Variants in CLN6 observed in about 807,000 individuals in gnomAD.
The protein encoded by CLN6 is CLN6 transmembrane ER protein.
CLN6 carries 22 observed loss-of-function variants against 33.3 expected under a neutral mutation model. That is an observed-to-expected ratio of 0.66 (90% CI 0.47 to 0.94). The LOEUF is 0.94. Among genes scored for constraint, CLN6 ranks in the 40% least tolerant of loss-of-function variants. The pLI, the probability that CLN6 is intolerant of heterozygous loss-of-function variation, is 0.00. For synonymous variants in CLN6, 201 were observed against 174.6 expected (o/e 1.15, Z -1.19); for missense variants, 387 against 417.1 (o/e 0.93, Z 0.63).
rs144497360 is a variant in CLN6 at position 68,208,896 on chromosome 15, T to C, written c.666-486A>G. Among the ~76,000 whole-genome samples, 51 of 152,328 alleles carry C rather than the reference T, an allele frequency of 3.3e-4. No homozygotes were observed. Among genetic ancestry groups the C allele is most frequent in the African/African-American group, 1.0e-3 (42 of 41,588 alleles). On this transcript the variant is annotated intron_variant, in intron 6 of 6. Coordinates refer to ENST00000249806, the MANE Select transcript of CLN6 (RefSeq NM_017882.3). This position sits in a 1 kb window ranked among gnomAD's most constrained non-coding sequence, Gnocchi z 5.8. ...GCCCCAGTGGGCCATCTCAGCCACA[T>C]AGGGGACAGGCCGGGGAGAGGATCT... is the stretch of plus-strand genomic sequence containing the variant.
At chr15:68,214,485 C>T (rs1050736353) in intron 2 of CLN6, 97 bp from the exon 3 acceptor site, 1 of 763,040 alleles carries the variant, frequency 1.3e-6, no homozygotes, top group Non-Finnish European at 2.3e-6. Flanking sequence ...CACCCCAACT[C>T]CTTTCACCCC....
chr15:68,229,386 C>A (rs900333146), intron 1 of CLN6, 116 bp downstream of exon 1: 12 of 773,716 alleles, frequency 1.6e-5, no homozygotes, highest in Non-Finnish European at 2.2e-5. Flanking sequence ...CGCTCCGCCC[C>A]GGCCAGCGCC....
At chr15:68,224,994 C>G (rs1041906488) in intron 1 of CLN6, among the ~76,000 whole-genome samples, 76 of 152,166 alleles carry the variant, frequency 5.0e-4, no homozygotes, top group Middle Eastern at 3.4e-3. Flanking sequence ...TCAAGGCAGT[C>G]AGCAGCATCT....
At chr15:68,214,499 C>A in intron 2 of CLN6, 111 bp from the exon 3 acceptor site, 1 of 726,894 alleles carries the variant, frequency 1.4e-6, no homozygotes, top group Non-Finnish European at 2.5e-6. Context: ...TCACCCCCCA[C>A]CCCATCATGT....
At chr15:68,213,490 C>G (rs1465960537) in intron 3 of CLN6, 1 of 152,230 alleles carries the variant, frequency 6.6e-6, no homozygotes, top group African/African-American at 2.4e-5. Context: ...GATCCGCCCG[C>G]CTCAGCCTCC....
intron 1 of CLN6, among the ~76,000 whole-genome samples, chr15:68,224,052 AAACAACAACAACAAC>A (rs146628174): frequency 6.6e-6 from 1 of 151,312 alleles, no homozygotes; most frequent in East Asian, 1.9e-4. Context: ...CTCAAAAAGA[AAACAACAACAACAAC>A]AACAACAACA....
upstream of CLN6, among the ~76,000 whole-genome samples, chr15:68,234,610 T>C (rs950834263): frequency 3.9e-5 from 6 of 152,214 alleles, no homozygotes; most frequent in African/African-American, 1.4e-4. The surrounding 1 kb of genome is among the most constrained non-coding windows in gnomAD (Gnocchi z 4.1). Flanking sequence ...TGCTCTCTGC[T>C]AGCCCGTTCC....
At chr15:68,252,976 A>C (rs181321317) in intron 1 of CLN6, among the ~76,000 whole-genome samples, 3 of 152,356 alleles carry the variant, frequency 2.0e-5, no homozygotes, top group Admixed American at 2.0e-4. Flanking sequence ...TGGATGCATG[A>C]ATAGGCAGTG....
chr15:68,222,609 T>C (rs958782883), intron 1 of CLN6, among the ~76,000 whole-genome samples: 16 of 151,592 alleles, frequency 1.1e-4, no homozygotes, highest in Non-Finnish European at 1.5e-5. Context: ...GTCTGGGAGG[T>C]GTACCCAACA....
intron 1 of CLN6, among the ~76,000 whole-genome samples, chr15:68,251,841 A>C (rs1265671557): frequency 1.2e-5 from 1 of 85,554 alleles, no homozygotes; most frequent in African/African-American, 3.4e-5. Flanking sequence ...TATTAGAATT[A>C]ATAAGAGAGT....
chr15:68,251,473 G>A (rs954207708), intron 1 of CLN6, among the ~76,000 whole-genome samples: 1 of 152,038 alleles, frequency 6.6e-6, no homozygotes, highest in Non-Finnish European at 1.5e-5. Context: ...TCAGGAGGTC[G>A]AGACCAGGCT....
rs2093198411 is a variant in CLN6 at position 68,209,516 on chromosome 15, C to T, written c.665+121G>A. 10 of 1,378,852 alleles carry T rather than the reference C, an allele frequency of 7.3e-6. No homozygotes were observed. Among genetic ancestry groups the T allele is most frequent in the African/African-American group, 1.4e-5 (1 of 70,608 alleles). The allele number at this position is 1,378,852 out of a possible 1,614,324, so 85.4% of individuals were successfully genotyped here. A position where few individuals can be genotyped will look rare whatever the true frequency, so the allele number is the denominator to read the frequency against. On this transcript the variant is annotated intron_variant, in intron 6 of 6. Coordinates refer to ENST00000249806, the MANE Select transcript of CLN6 (RefSeq NM_017882.3). This position sits in a 1 kb window ranked among gnomAD's most constrained non-coding sequence, Gnocchi z 4.9. ...TCCCCACTAGACACAAGAAGAAGCA[C>T]GGGCCCAAAGAGGGCCAGTCTCCCT...
chr15:68,229,787 G>GGCGGAGCGGAGGGAGGCGGA (rs147965477), upstream of CLN6: 3 of 342,360 alleles, frequency 8.8e-6, no homozygotes, highest in Non-Finnish European at 1.5e-5. Context: ...AGGGAGGCGG[G>GGCGGAGCGGAGGGAGGCGGA]GCGGAGGGAG....
At chr15:68,223,307 A>G (rs2093243044) in intron 1 of CLN6, among the ~76,000 whole-genome samples, 1 of 152,146 alleles carries the variant, frequency 6.6e-6, no homozygotes. Flanking sequence ...TGCCTGGCTT[A>G]CTGGAGCCAG....
chr15:68,207,391 A>G lies in CLN6; in HGVS notation c.*749T>C, dbSNP rs1189755650. On this transcript the variant is annotated 3_prime_UTR_variant, in exon 7 of 7. Transcript: ENST00000249806. The stretch of plus-strand genomic sequence containing the variant: ...TTGGGTAGAGGAGGGTCACCTGCAA[A>G]GCTGGAATGCCAGGGGAGTGGGCGG... The G allele has an allele frequency of 6.5e-6, 1 of 153,212 alleles. No individual in the cohort carries two copies. The highest frequency in any genetic ancestry group is 1.5e-5 in the Non-Finnish European group (1 of 68,764). The allele number at this position is 153,212 out of a possible 1,614,324, so 9.5% of individuals were successfully genotyped here.
intron 2 of CLN6, 112 bp downstream of exon 2, chr15:68,218,422 TCA>T (rs1430929320): frequency 7.4e-6 from 6 of 815,586 alleles, no homozygotes; most frequent in Admixed American, 5.3e-5. Flanking sequence ...GCCTATTCTC[TCA>T]GTTTACTAGG....
chr15:68,231,181 G>A (rs1444645575), upstream of CLN6, among the ~76,000 whole-genome samples: 1 of 152,140 alleles, frequency 6.6e-6, no homozygotes, highest in Non-Finnish European at 1.5e-5. Flanking sequence ...GGCTGTGGGA[G>A]GCTAGGACTG....
In CLN6 at chr15:68,228,615, T is replaced by G. The variant is rs1325834452; in HGVS notation, c.83+887A>C. The stretch of plus-strand genomic sequence containing the variant: ...AAACTCCTTGCCCTTCCCCACTGTT[T>G]CCCTGGATGGAACAGCCTGTCTTCC... On this transcript the variant is annotated intron_variant, in intron 1 of 6. Transcript: ENST00000249806. This position sits in a 1 kb window ranked among gnomAD's most constrained non-coding sequence, Gnocchi z 4.4. Among the ~76,000 whole-genome samples the G allele has an allele frequency of 6.6e-6, 1 of 152,138 alleles. No individual in the cohort carries two copies. Among genetic ancestry groups the G allele is most frequent in the African/African-American group, 2.4e-5 (1 of 41,430 alleles).
At chr15:68,240,708 G>T (rs1892272732) in intron 1 of CLN6, among the ~76,000 whole-genome samples, 1 of 151,854 alleles carries the variant, frequency 6.6e-6, no homozygotes, top group Non-Finnish European at 1.5e-5. Context: ...ACAGGGCCGG[G>T]TGCGGTGGCT....
Sources: gnomAD v4.1 joint callset for allele counts (sites outside exome capture counted in the v4.1 genomes callset) on GRCh38, gnomAD v4.1.1 for gene constraint, Gnocchi (gnomAD v3.1) non-coding constraint, MANE v1.5 for transcripts, NCBI Gene and HGNC (gene_info 2026-07-23, HGNC 2026-07-21) for gene names.